The following UNKL variants were observed in gnomAD, a reference collection of about 807,000 sequenced individuals.
The protein encoded by UNKL is unk like zinc finger.
Under a neutral mutation model 78.0 loss-of-function variants are expected in UNKL, and 60 were observed. The ratio of observed to expected loss-of-function variants is 0.77; its 90% CI spans 0.63 to 0.95. The LOEUF is 0.95. Among genes scored for constraint, UNKL ranks in the 40% least tolerant of loss-of-function variants. UNKL has a pLI of 0.00. For missense variants in UNKL, 1,159 were observed against 1,045.7 expected (o/e 1.11, Z -1.49); for synonymous variants, 608 against 474.8 (o/e 1.28, Z -3.65).
At position 1,363,848 on chromosome 16, in the gene UNKL, GC is replaced by G. The variant is rs902713096; in HGVS notation, c.*2391del. 6.6e-6 allele frequency: 1 copy of G among 152,500 alleles called. No individual in the cohort carries two copies. The highest frequency in any genetic ancestry group is 2.4e-5 in the African/African-American group (1 of 41,440). 9.4% of individuals were successfully genotyped at this position (152,500 alleles called of 1,614,324 possible). A position where few individuals can be genotyped will look rare whatever the true frequency, so the allele number is the denominator to read the frequency against. The stretch of plus-strand genomic sequence containing the variant: ...CCAGTACTGATCTAGGGGAGCAGGT[GC>G]CACCTCCATCTCCCAGCTGTCCCCC... On this transcript the variant is annotated 3_prime_UTR_variant, in exon 15 of 15. Coordinates refer to ENST00000389221, the MANE Select transcript of UNKL (RefSeq NM_001372107.1).
intron 10 of UNKL, chr16:1,383,901 G>A (rs918048178): frequency 2.4e-5 from 9 of 371,676 alleles, no homozygotes; most frequent in African/African-American, 1.4e-4. Context: ...GCACAGCAGA[G>A]GATGTAGGAG....
At chr16:1,375,451 T>C (rs766433279) in intron 10 of UNKL, among the ~76,000 whole-genome samples, 3 of 152,062 alleles carry the variant, frequency 2.0e-5, no homozygotes, top group Non-Finnish European at 2.9e-5. Flanking sequence ...TTCCGGGGCG[T>C]GGAGGCCGGG....
chr16:1,398,527 G>T, intron 5 of UNKL: 5 of 1,316,064 alleles, frequency 3.8e-6, no homozygotes, highest in Non-Finnish European at 4.9e-6. Context: ...CTTCCCAAAG[G>T]AAGCACAGGT....
Position 1,397,153 on chromosome 16 carries a change from C to T in UNKL, c.852+25G>A, listed in dbSNP as rs372559366. The T allele has an allele frequency of 2.3e-5, 36 of 1,544,212 alleles. 1 individual carries two copies. Among genetic ancestry groups the T allele is most frequent in the African/African-American group, 1.8e-4 (13 of 73,112 alleles). ...CTCTGGGACCTTCCAGCGACCCCTA[C>T]GCCTGGGGGGTTGGAGGGACGTACC... On this transcript the variant is annotated intron_variant, in intron 6 of 14. Transcript: ENST00000389221.
rs1370017718 is a variant in UNKL, at chr16:1,403,158, G to A, written c.464+10C>T. On this transcript the variant is annotated intron_variant, in intron 3 of 14. Transcript: ENST00000389221. This position sits in a 1 kb window ranked among gnomAD's most constrained non-coding sequence, Gnocchi z 4.8. ...GCAGGCCAAGTGCCCACTCGTGGAT[G>A]CCCACTCACCTGACGTCACACACGG... 3.7e-6 allele frequency: 6 copies of A among 1,604,598 alleles called. No homozygotes were observed. The Admixed American group carries it at 5.0e-5, about 13-fold the overall frequency.
chr16:1,385,419 C>G, intron 9 of UNKL, 34 bp from the exon 10 acceptor site: 1 of 1,301,200 alleles, frequency 7.7e-7, no homozygotes, highest in Non-Finnish European at 9.8e-7. Flanking sequence ...GAGCGCGCAC[C>G]CCCTGCGTGG....
chr16:1,403,347 G>A lies in UNKL; in HGVS notation c.288-3C>T. The A allele has an allele frequency of 1.2e-6, 2 of 1,613,782 alleles. No individual in the cohort carries two copies. The highest frequency in any genetic ancestry group is 1.7e-6 in the Non-Finnish European group (2 of 1,179,834). On this transcript the variant is annotated splice_polypyrimidine_tract_variant and splice_region_variant and intron_variant, in intron 2 of 14. Coordinates refer to ENST00000389221, the MANE Select transcript of UNKL (RefSeq NM_001372107.1). This position sits in a 1 kb window ranked among gnomAD's most constrained non-coding sequence, Gnocchi z 4.8. Reference sequence around the variant, plus strand: ...TCGTCCGGTGCAGGTAGGGACACCTGGGGAGCAGAGAGGCACGCAATGCCT... The same window carrying A: ...TCGTCCGGTGCAGGTAGGGACACCTAGGGAGCAGAGAGGCACGCAATGCCT...
intron 2 of UNKL, chr16:1,406,029 C>T (rs867699906): frequency 1.8e-5 from 8 of 456,638 alleles, no homozygotes; most frequent in African/African-American, 4.0e-5. Flanking sequence ...GGACGAGGCC[C>T]GTGGATCTGC....
chr16:1,368,635 A>AG (rs2035518493), intron 12 of UNKL, among the ~76,000 whole-genome samples: 1 of 144,138 alleles, frequency 6.9e-6, no homozygotes, highest in South Asian at 2.2e-4. Context: ...AAAAAAAAAA[A>AG]CAGGCCTGTC....
chr16:1,365,603 T>C lies in UNKL; in HGVS notation c.*637A>G, dbSNP rs1037155658. On this transcript the variant is annotated 3_prime_UTR_variant, in exon 15 of 15. Transcript: ENST00000389221. ...TCTCAATCCATAATCACTCTGCTTA[T>C]AAATACTATTTGCACTTAATTGGAA... The C allele has an allele frequency of 6.5e-6, 1 of 152,686 alleles. No individual in the cohort carries two copies. The highest frequency in any genetic ancestry group is 2.4e-5 in the African/African-American group (1 of 41,470). 9.5% of individuals were successfully genotyped at this position (152,686 alleles called of 1,614,324 possible). A position where few individuals can be genotyped will look rare whatever the true frequency, so the allele number is the denominator to read the frequency against.
intron 7 of UNKL, among the ~76,000 whole-genome samples, chr16:1,393,917 C>T (rs1038721297): frequency 2.0e-4 from 31 of 152,314 alleles, no homozygotes; most frequent in Admixed American, 1.6e-3. Flanking sequence ...GCCTGGCCCA[C>T]GCCGGCGTGG....
intron 10 of UNKL, among the ~76,000 whole-genome samples, chr16:1,375,211 G>A (rs760876160): frequency 2.7e-4 from 41 of 152,220 alleles, no homozygotes; most frequent in Non-Finnish European, 4.7e-4. Context: ...TGGACGTGGC[G>A]CAGCTGGCAG....
At chr16:1,410,444 C>T (rs2037987745) in intron 2 of UNKL, among the ~76,000 whole-genome samples, 1 of 152,090 alleles carries the variant, frequency 6.6e-6, no homozygotes, top group South Asian at 2.1e-4. Flanking sequence ...CCCATCTCTA[C>T]TAAAAATACA....
chr16:1,385,341 G>T lies in UNKL; in HGVS notation c.1131C>A (p.Ser377Arg). ...GGCTGGACGCCACGCTGGAGCTCAC[G>T]CTGGGGGCCGGCGGGTGGACCGCTG... is the stretch of plus-strand genomic sequence containing the variant. ...VFAAVHPPAP[S>R]VSSSVASSLA... is the part of the protein sequence containing the mutation. The change falls in exon 10 of 15, where the codon AGC becomes AGA. Residue 377 changes from serine (S) to arginine (R), a missense_variant. Coordinates refer to ENST00000389221, the MANE Select transcript of UNKL (RefSeq NM_001372107.1). 7.0e-7 allele frequency: 1 copy of T among 1,422,716 alleles called. No homozygotes were observed. The highest frequency in any genetic ancestry group is 9.2e-7 in the Non-Finnish European group (1 of 1,092,178). The allele number at this position is 1,422,716 out of a possible 1,614,324, so 88.1% of individuals were successfully genotyped here.
Position 1,364,157 on chromosome 16 carries a change from A to G in UNKL, c.*2083T>C, listed in dbSNP as rs886587224. 6.6e-6 allele frequency: 1 copy of G among 152,168 alleles called. No homozygotes were observed. The highest frequency in any genetic ancestry group is 1.5e-5 in the Non-Finnish European group (1 of 68,026). 9.4% of individuals were successfully genotyped at this position (152,168 alleles called of 1,614,324 possible). ...TACGTAATTTCTAGATACTGAGCTA[A>G]TAAATCACTGTAGTTAAAAACAAAA... On this transcript the variant is annotated 3_prime_UTR_variant, in exon 15 of 15. Coordinates refer to ENST00000389221, the MANE Select transcript of UNKL (RefSeq NM_001372107.1).
At chr16:1,389,689 G>A (rs1053864236) in intron 9 of UNKL, among the ~76,000 whole-genome samples, 1 of 152,266 alleles carries the variant, frequency 6.6e-6, no homozygotes, top group Admixed American at 6.5e-5. Context: ...CACGCACAGA[G>A]GGGTGACCCC....
Position 1,403,484 on chromosome 16 carries a change from G to A in UNKL, c.288-140C>T, listed in dbSNP as rs529250169. On this transcript the variant is annotated intron_variant, in intron 2 of 14. Transcript: ENST00000389221. This position sits in a 1 kb window ranked among gnomAD's most constrained non-coding sequence, Gnocchi z 4.8. The stretch of plus-strand genomic sequence containing the variant: ...TCCAGATTCCTGTTCTAATCAGAAG[G>A]ACGGACACACTGGACGCAGCACCTG... The A allele has an allele frequency of 1.8e-6, 2 of 1,105,324 alleles. No individual in the cohort carries two copies. The highest frequency in any genetic ancestry group is 2.6e-5 in the East Asian group (1 of 38,406). The allele number at this position is 1,105,324 out of a possible 1,614,324, so 68.5% of individuals were successfully genotyped here.
chr16:1,380,126 C>G (rs1189345448), intron 10 of UNKL, among the ~76,000 whole-genome samples: 1 of 152,254 alleles, frequency 6.6e-6, no homozygotes, highest in Non-Finnish European at 1.5e-5. Context: ...AATCTGAAAC[C>G]TGTTCCTATG....
At position 1,385,371 on chromosome 16, in the gene UNKL, C is replaced by T. The variant is rs1263287155; in HGVS notation, c.1101G>A (p.Val367=). The T allele has an allele frequency of 1.4e-6, 2 of 1,403,932 alleles. No homozygotes were observed. Among genetic ancestry groups the T allele is most frequent in the South Asian group, 1.5e-5 (1 of 66,306 alleles). The allele number at this position is 1,403,932 out of a possible 1,614,324, so 87.0% of individuals were successfully genotyped here. Residue 367 remains valine, a synonymous_variant, in exon 10 of 15, where the codon GTG becomes GTA. Coordinates refer to ENST00000389221, the MANE Select transcript of UNKL (RefSeq NM_001372107.1). ...EQDSKQNHLA[V]FAAVHPPAPS... ...GGGCCGGCGGGTGGACCGCTGCAAA[C>T]ACGGCCAGGTGGTTCTGTTCAAAGA...
Sources: gnomAD v4.1 joint callset for allele counts (sites outside exome capture counted in the v4.1 genomes callset) on GRCh38, gnomAD v4.1.1 for gene constraint, Gnocchi (gnomAD v3.1) non-coding constraint, MANE v1.5 for transcripts, NCBI Gene and HGNC (gene_info 2026-07-23, HGNC 2026-07-21) for gene names.